DNAL4: variants seen among roughly 807,000 people sequenced by gnomAD.
DNAL4 encodes dynein light chain, outer arm 4.
A neutral mutation model predicts 12.6 loss-of-function variants in DNAL4; 10 were observed. The ratio of observed to expected loss-of-function variants is 0.79; its 90% confidence interval spans 0.49 to 1.34. The LOEUF (loss-of-function observed/expected upper bound fraction) is 1.34, where lower values mean the gene tolerates loss of function less well. Among genes scored for constraint, DNAL4 ranks in the 40% most tolerant of loss-of-function variants. The probability of loss-of-function intolerance (pLI) is 0.00; values close to 1 mark genes in which losing one functional copy is unlikely to be tolerated. For missense variants in DNAL4, 128 were observed against 138.1 expected (o/e 0.93, Z 0.37); for synonymous variants, 46 against 53.1 (o/e 0.87, Z 0.58).
intron 1 of DNAL4, among the ~76,000 whole-genome samples, chr22:38,791,780 A>G (rs2093050972): frequency 6.6e-6 from 1 of 150,836 alleles, no homozygotes; most frequent in African/African-American, 2.4e-5. Context: ...AACATCCACC[A>G]TCCGGGTTCA....
intron 3 of DNAL4, among the ~76,000 whole-genome samples, chr22:38,780,515 T>C (rs868419755): frequency 6.6e-6 from 1 of 152,238 alleles, no homozygotes; most frequent in Admixed American, 6.5e-5. Context: ...CTTCCTGCGT[T>C]GATGCCTGCT....
Position 38,778,795 on chromosome 22 carries a change from C to T in DNAL4, c.*654G>A, listed in dbSNP as rs911364395. On this transcript the variant is annotated 3_prime_UTR_variant, in exon 4 of 4. Coordinates refer to ENST00000216068, the MANE Select transcript of DNAL4 (RefSeq NM_005740.3). ...CTGCCAGGTAGCAGCTCCCACACAC[C>T]AGCCCCTGGCTCTCAACTGTACGGG... 1 of 152,576 alleles carries T rather than the reference C, an allele frequency of 6.6e-6. No individual in the cohort carries two copies. The highest frequency in any genetic ancestry group is 1.5e-5 in the Non-Finnish European group (1 of 68,100). The allele number at this position is 152,576 out of a possible 1,614,324, so 9.5% of individuals were successfully genotyped here.
rs1462471900 is a variant in DNAL4, at chr22:38,779,439, G to A, written c.*10C>T. ...AAGGCCCTGCAGGGGACGGGGCAGG[G>A]GACAGAGTGTCAGGAGCACTTCCAG... On this transcript the variant is annotated 3_prime_UTR_variant, in exon 4 of 4. Transcript: ENST00000216068. The surrounding 1 kb of genome is among the most constrained non-coding windows in gnomAD (Gnocchi z 4.3). The A allele has an allele frequency of 3.8e-6, 6 of 1,562,746 alleles. No individual in the cohort carries two copies. The highest frequency in any genetic ancestry group is 1.4e-5 in the African/African-American group (1 of 73,706).
chr22:38,781,467 C>G (rs193265312), intron 2 of DNAL4, among the ~76,000 whole-genome samples: 4 of 152,238 alleles, frequency 2.6e-5, no homozygotes, highest in African/African-American at 9.6e-5. Flanking sequence ...CTGGGCCCCA[C>G]CTCCACTCTC....
Position 38,784,983 on chromosome 22 carries a change from C to A in DNAL4, c.-139-2113G>T, listed in dbSNP as rs982528223. 5.5e-3 allele frequency among the ~76,000 whole-genome samples: 822 copies of A among 150,662 alleles called. 6 individuals carry two copies. The highest frequency in any genetic ancestry group is 0.019 in the African/African-American group (786 of 41,038). ...CTGGAAGCCTGGCACAGACCCCCCCCCCCATCCAATGACATTGGTATTTTC... is the reference window on the plus strand; with the variant it reads ...CTGGAAGCCTGGCACAGACCCCCCCACCCATCCAATGACATTGGTATTTTC... On this transcript the variant is annotated intron_variant, in intron 1 of 3. Transcript: ENST00000216068.
chr22:38,780,967 G>T lies in DNAL4; in HGVS notation c.112C>A (p.Leu38Ile). The change falls in exon 3 of 4, where the codon CTA becomes ATA. Residue 38 changes from leucine (L) to isoleucine (I), a missense_variant. Physicochemically the swap from Leu to Ile is conservative, Grantham distance 5 (BLOSUM62 2). Coordinates refer to ENST00000216068, the MANE Select transcript of DNAL4 (RefSeq NM_005740.3). The stretch of plus-strand genomic sequence containing the variant: ...AATTTCTCACAGGCTGTGACACATA[G>T]CTCCATGGTCTCCACGCGCATCTCC... ...PEEMRVETME[L>I]CVTACEKFSN... 1 of 1,614,200 alleles carries T rather than the reference G, an allele frequency of 6.2e-7. No individual in the cohort carries two copies. Among genetic ancestry groups the T allele is most frequent in the Non-Finnish European group, 8.5e-7 (1 of 1,180,018 alleles).
chr22:38,781,091 C>A, intron 2 of DNAL4, 82 bp from the exon 3 acceptor site: 1 of 1,516,522 alleles, frequency 6.6e-7, no homozygotes, highest in Non-Finnish European at 9.1e-7. Context: ...CTGTCCCAAG[C>A]TTAAGGCATG....
chr22:38,780,564 A>C (rs2093032796), intron 3 of DNAL4, among the ~76,000 whole-genome samples: 1 of 152,144 alleles, frequency 6.6e-6, no homozygotes, highest in South Asian at 2.1e-4. Flanking sequence ...CCTGTTCAAC[A>C]CCTTTTTGAA....
chr22:38,783,337 C>T (rs575905117), intron 1 of DNAL4, among the ~76,000 whole-genome samples: 18 of 149,536 alleles, frequency 1.2e-4, no homozygotes, highest in Non-Finnish European at 2.2e-4. Flanking sequence ...ACTACACACG[C>T]GGGCCTTCCC....
At chr22:38,784,982 C>CA (rs56405608) in intron 1 of DNAL4, among the ~76,000 whole-genome samples, 3 of 150,344 alleles carry the variant, frequency 2.0e-5, no homozygotes, top group South Asian at 2.1e-4. Flanking sequence ...CAGACCCCCC[C>CA]CCCCATCCAA....
intron 1 of DNAL4, among the ~76,000 whole-genome samples, 197 bp from the exon 2 acceptor site, chr22:38,783,067 G>A (rs567284713): frequency 6.6e-6 from 1 of 152,234 alleles, no homozygotes; most frequent in African/African-American, 2.4e-5. Context: ...ACACTGGTAC[G>A]ATGCCGCAAG....
At chr22:38,781,520 G>A (rs1603239178) in intron 2 of DNAL4, among the ~76,000 whole-genome samples, 1 of 151,924 alleles carries the variant, frequency 6.6e-6, no homozygotes, top group Non-Finnish European at 1.5e-5. Context: ...TGTGTTCCGC[G>A]CCTGTCTGTG....
intron 1 of DNAL4, among the ~76,000 whole-genome samples, chr22:38,787,696 G>A (rs185117091): frequency 6.6e-6 from 1 of 152,328 alleles, no homozygotes; most frequent in East Asian, 1.9e-4. Context: ...TTCCCACTAT[G>A]TGCAAACCAC....
chr22:38,788,806 C>T (rs2146169459), intron 1 of DNAL4, among the ~76,000 whole-genome samples: 1 of 152,340 alleles, frequency 6.6e-6, no homozygotes, highest in Non-Finnish European at 1.5e-5. Context: ...TTGGACTTAG[C>T]ATGGATTTAT....
At chr22:38,785,332 A>G (rs929962280) in intron 1 of DNAL4, 1 of 152,232 alleles carries the variant, frequency 6.6e-6, no homozygotes, top group African/African-American at 2.4e-5. Flanking sequence ...TTTATCTCTG[A>G]GAATTTCAAG....
chr22:38,787,877 G>GAT (rs1338703646), intron 1 of DNAL4, among the ~76,000 whole-genome samples: 5 of 152,294 alleles, frequency 3.3e-5, no homozygotes, highest in African/African-American at 4.8e-5. Context: ...AGTCACTGGA[G>GAT]CTCAGAGAGG....
At chr22:38,793,765 G>A (rs1406698772) in intron 1 of DNAL4, among the ~76,000 whole-genome samples, 3 of 152,170 alleles carry the variant, frequency 2.0e-5, no homozygotes. Flanking sequence ...AGGGATCAAG[G>A]TGCTGGGGGA....
chr22:38,779,202 C>G lies in DNAL4; in HGVS notation c.*247G>C, dbSNP rs2093030386. On this transcript the variant is annotated 3_prime_UTR_variant, in exon 4 of 4. Transcript: ENST00000216068. This position sits in a 1 kb window ranked among gnomAD's most constrained non-coding sequence, Gnocchi z 4.3. Reference sequence around the variant, plus strand: ...TACCCTGTCACACCGCCCCACCCCACGTCTCCCACACAGACCCATGCCCGC... The same window carrying G: ...TACCCTGTCACACCGCCCCACCCCAGGTCTCCCACACAGACCCATGCCCGC... 2.6e-6 allele frequency: 1 copy of G among 385,224 alleles called. No individual in the cohort carries two copies. The highest frequency in any genetic ancestry group is 4.6e-6 in the Non-Finnish European group (1 of 216,352). The allele number at this position is 385,224 out of a possible 1,614,324, so 23.9% of individuals were successfully genotyped here.
intron 1 of DNAL4, among the ~76,000 whole-genome samples, chr22:38,787,520 G>A (rs1211215499): frequency 6.6e-6 from 1 of 152,268 alleles, no homozygotes; most frequent in Admixed American, 6.5e-5. Context: ...AGGATTACAG[G>A]CGTGGGCCAC....
Sources: allele counts gnomAD v4.1 joint callset (sites outside exome capture counted in the v4.1 genomes callset), GRCh38; gene constraint gnomAD v4.1.1; non-coding constraint Gnocchi (gnomAD v3.1); transcripts MANE v1.5; gene names NCBI Gene and HGNC (gene_info 2026-07-23, HGNC 2026-07-21).